The following TBC1D22A variants were observed in gnomAD, a reference collection of about 807,000 sequenced individuals.
TBC1D22A encodes the protein putative GTPase activator.
A neutral mutation model predicts 60.2 loss-of-function variants in TBC1D22A; 38 were observed. The ratio of observed to expected loss-of-function variants is 0.63; its 90% confidence interval spans 0.49 to 0.83. The LOEUF is 0.83. TBC1D22A is among the 40% of genes least tolerant of loss of function. The pLI is 0.00. For synonymous variants in TBC1D22A, 302 were observed against 281.7 expected (o/e 1.07, Z -0.72); for missense variants, 628 against 701.0 (o/e 0.90, Z 1.18).
At chr22:46,929,911 G>A (rs1434904884) in intron 8 of TBC1D22A, among the ~76,000 whole-genome samples, 1 of 152,174 alleles carries the variant, frequency 6.6e-6, no homozygotes, top group Non-Finnish European at 1.5e-5. Flanking sequence ...CTGCTCCTCA[G>A]CCCCTATGTG....
rs757396603 is a variant in TBC1D22A, at chr22:46,924,522, C to T, written c.1015+12334C>T. Among the ~76,000 whole-genome samples, 9 of 152,186 alleles carry T rather than the reference C, an allele frequency of 5.9e-5. No homozygotes were observed. The East Asian group carries it at 1.7e-3, about 29-fold the overall frequency. On this transcript the variant is annotated intron_variant, in intron 8 of 12. Coordinates refer to ENST00000337137, the MANE Select transcript of TBC1D22A (RefSeq NM_014346.5). ...TTATAATCCCAGCACTTTGGGAGGCCGAGGTGGGCATCAGGAGTTCGAGAC... is the reference window on the plus strand; with the variant it reads ...TTATAATCCCAGCACTTTGGGAGGCTGAGGTGGGCATCAGGAGTTCGAGAC...
intron 10 of TBC1D22A, among the ~76,000 whole-genome samples, chr22:47,034,341 T>A (rs1257620327): frequency 1.3e-5 from 2 of 152,170 alleles, no homozygotes; most frequent in Non-Finnish European, 2.9e-5. Flanking sequence ...ACCTGCCCTC[T>A]GAGGCGTTCC....
intron 10 of TBC1D22A, among the ~76,000 whole-genome samples, chr22:47,007,009 G>A (rs1569329640): frequency 6.6e-6 from 1 of 152,214 alleles, no homozygotes; most frequent in Non-Finnish European, 1.5e-5. Context: ...ACAGCCAGAT[G>A]CCAGCCCAAG....
At chr22:46,981,151 G>C (rs2074497202) in intron 9 of TBC1D22A, among the ~76,000 whole-genome samples, 1 of 152,210 alleles carries the variant, frequency 6.6e-6, no homozygotes, top group Non-Finnish European at 1.5e-5. Flanking sequence ...GAGACAAAGA[G>C]TATCACTGCC....
At position 47,009,610 on chromosome 22, in the gene TBC1D22A, A is replaced by G. The variant is rs1218672535; in HGVS notation, c.1201+11901A>G. On this transcript the variant is annotated intron_variant, in intron 10 of 12. Transcript: ENST00000337137. The surrounding 1 kb of genome is among the most constrained non-coding windows in gnomAD (Gnocchi z 5.8). ...TCACCATCATTCTGTCATCACCATCATCATTACTATCACCATCATTTCATC... is the reference window on the plus strand; with the variant it reads ...TCACCATCATTCTGTCATCACCATCGTCATTACTATCACCATCATTTCATC... Among the ~76,000 whole-genome samples the G allele has an allele frequency of 1.3e-5, 2 of 151,814 alleles. No homozygotes were observed. The highest frequency in any genetic ancestry group is 2.9e-5 in the Non-Finnish European group (2 of 67,972).
chr22:47,151,642 G>A (rs1360591931), intron 12 of TBC1D22A, among the ~76,000 whole-genome samples: 1 of 152,184 alleles, frequency 6.6e-6, no homozygotes, highest in Non-Finnish European at 1.5e-5. Context: ...CTGAGCCAGG[G>A]CTTCTTCCTG....
At chr22:47,149,991 C>A (rs529478925) in intron 12 of TBC1D22A, among the ~76,000 whole-genome samples, 170 of 152,218 alleles carry the variant, frequency 1.1e-3, no homozygotes, top group African/African-American at 4.0e-3. Context: ...AGCACTGACT[C>A]CTCAGGGGCA....
chr22:47,085,136 C>G (rs2064625554), intron 11 of TBC1D22A, among the ~76,000 whole-genome samples: 1 of 152,110 alleles, frequency 6.6e-6, no homozygotes, highest in African/African-American at 2.4e-5. Flanking sequence ...CAAAAATTAG[C>G]CGGATATGGT....
Position 46,762,671 on chromosome 22 carries a change from G to C in TBC1D22A, c.-116G>C, listed in dbSNP as rs771518120. On this transcript the variant is annotated 5_prime_UTR_variant, in exon 1 of 13. Transcript: ENST00000337137. The stretch of plus-strand genomic sequence containing the variant: ...AGGCGGAAGAGCTTCTCGGCTCTAG[G>C]CTCTGGAGTCCCGGGAGCAGTGAGG... 1.0e-5 allele frequency: 9 copies of C among 874,332 alleles called. No individual in the cohort carries two copies. The highest frequency in any genetic ancestry group is 2.4e-5 in the South Asian group (1 of 41,470). 54.2% of individuals were successfully genotyped at this position (874,332 alleles called of 1,614,324 possible). A position where few individuals can be genotyped will look rare whatever the true frequency, so the allele number is the denominator to read the frequency against.
chr22:46,881,646 G>A (rs2067857265), intron 5 of TBC1D22A, among the ~76,000 whole-genome samples: 1 of 152,218 alleles, frequency 6.6e-6, no homozygotes, highest in Non-Finnish European at 1.5e-5. Flanking sequence ...GCTCTTGGCA[G>A]GCTCTTGGGA....
chr22:47,088,611 C>T lies in TBC1D22A; in HGVS notation c.1330-22897C>T, dbSNP rs562574817. Reference sequence around the variant, plus strand: ...CTGCTAATCAAATTTTTTTTTTTGACGGCAAGTTATTCCTTATGGAAGAAC... The same window carrying T: ...CTGCTAATCAAATTTTTTTTTTTGATGGCAAGTTATTCCTTATGGAAGAAC... On this transcript the variant is annotated intron_variant, in intron 11 of 12. Coordinates refer to ENST00000337137, the MANE Select transcript of TBC1D22A (RefSeq NM_014346.5). Among the ~76,000 whole-genome samples, 53 of 151,706 alleles carry T rather than the reference C, an allele frequency of 3.5e-4. No homozygotes were observed. The South Asian group carries it at 6.2e-3, about 18-fold the overall frequency.
At chr22:46,997,791 C>T in intron 10 of TBC1D22A, 82 bp downstream of exon 10, 2 of 1,293,260 alleles carry the variant, frequency 1.5e-6, no homozygotes, top group South Asian at 1.2e-5. Context: ...GAGCTGTCCT[C>T]ATCCGCCGGC....
rs557141506 is a variant in TBC1D22A, at chr22:46,809,433, C to A, written c.637+11813C>A. ...AGACACAGTCACGCTCTGGGAGAGG[C>A]CTTCAACATACGAATTTGAGGATAC... is the stretch of plus-strand genomic sequence containing the variant. On this transcript the variant is annotated intron_variant, in intron 4 of 12. Coordinates refer to ENST00000337137, the MANE Select transcript of TBC1D22A (RefSeq NM_014346.5). 3.3e-5 allele frequency among the ~76,000 whole-genome samples: 5 copies of A among 152,300 alleles called. No homozygotes were observed. In the South Asian group the frequency reaches 1.0e-3, roughly 32 times the overall value.
chr22:47,055,475 A>G lies in TBC1D22A; in HGVS notation c.1329+18277A>G, dbSNP rs192404116. On this transcript the variant is annotated intron_variant, in intron 11 of 12. Coordinates refer to ENST00000337137, the MANE Select transcript of TBC1D22A (RefSeq NM_014346.5). ...TTAATACACACCCAAATCAGAGATCATATTGAGAATTTTGATTAGGGGTAT... is the reference window on the plus strand; with the variant it reads ...TTAATACACACCCAAATCAGAGATCGTATTGAGAATTTTGATTAGGGGTAT... 2.6e-5 allele frequency among the ~76,000 whole-genome samples: 4 copies of G among 152,366 alleles called. No homozygotes were observed. In the East Asian group the frequency reaches 7.7e-4, roughly 29 times the overall value.
At chr22:46,787,782 A>G (rs796674493) in intron 1 of TBC1D22A, among the ~76,000 whole-genome samples, 36 of 152,270 alleles carry the variant, frequency 2.4e-4, no homozygotes, top group African/African-American at 7.9e-4. Flanking sequence ...GAGAACCAGA[A>G]TGGGGAGGGT....
chr22:46,768,534 A>G (rs370516522), intron 1 of TBC1D22A, among the ~76,000 whole-genome samples: 27 of 149,862 alleles, frequency 1.8e-4, no homozygotes, highest in East Asian at 1.4e-3. Context: ...TCAGTCTCTG[A>G]CTGTCTGGGC....
intron 12 of TBC1D22A, among the ~76,000 whole-genome samples, chr22:47,125,738 TC>T (rs2066429247): frequency 6.6e-6 from 1 of 152,134 alleles, no homozygotes; most frequent in African/African-American, 2.4e-5. Context: ...TGCAAGAACT[TC>T]CCAGCATCTC....
At chr22:46,828,209 A>C (rs901833153) in intron 4 of TBC1D22A, among the ~76,000 whole-genome samples, 1 of 152,248 alleles carries the variant, frequency 6.6e-6, no homozygotes, top group Non-Finnish European at 1.5e-5. Flanking sequence ...GAGGTGGGAT[A>C]CATTTGCTCA....
chr22:46,904,141 A>ATCTG (rs2069247117), intron 7 of TBC1D22A, among the ~76,000 whole-genome samples: 1 of 115,978 alleles, frequency 8.6e-6, no homozygotes, highest in African/African-American at 3.6e-5. Flanking sequence ...CTATCTATCT[A>ATCTG]TCTACCTACC....
Sources: allele counts gnomAD v4.1 joint callset (sites outside exome capture counted in the v4.1 genomes callset), GRCh38; gene constraint gnomAD v4.1.1; non-coding constraint Gnocchi (gnomAD v3.1); transcripts MANE v1.5; gene names NCBI Gene and HGNC (gene_info 2026-07-23, HGNC 2026-07-21).